PABIR3: variants seen among roughly 807,000 people sequenced by gnomAD.
PABIR3 encodes the protein PABIR family member 3, also known as PABIR family member 1.
Under a neutral mutation model 23.1 loss-of-function variants are expected in PABIR3, and 20 were observed. The ratio of observed to expected loss-of-function variants is 0.86; its 90% CI spans 0.61 to 1.26. The LOEUF (loss-of-function observed/expected upper bound fraction) is 1.26. Ranked by LOEUF, PABIR3 falls within the 50% of genes most tolerant of loss-of-function variation. The pLI is 0.00. For missense variants in PABIR3, 189 were observed against 195.4 expected (o/e 0.97, Z 0.20); for synonymous variants, 69 against 68.5 (o/e 1.01, Z -0.04).
intron 3 of PABIR3, among the ~76,000 whole-genome samples, chrX:134,816,052 C>G (rs1255075090): frequency 8.9e-6 from 1 of 112,114 alleles, no homozygotes; most frequent in African/African-American, 3.2e-5. Context: ...TTGGGATGAT[C>G]ATGTGTTTCC....
chrX:134,796,437 A>G (rs1457995791), upstream of PABIR3: 1 of 372,048 alleles, frequency 2.7e-6, no homozygotes. Flanking sequence ...GCAGGAGAGG[A>G]GGACGAAGAG....
intron 3 of PABIR3, among the ~76,000 whole-genome samples, chrX:134,824,693 G>A (rs998660929): frequency 1.8e-5 from 2 of 111,422 alleles, no homozygotes; most frequent in South Asian, 3.7e-4. Context: ...CCAGCTACTC[G>A]GGAGGCTGAG....
At chrX:134,855,535 T>A (rs948423932), downstream of PABIR3, among the ~76,000 whole-genome samples, 2 of 111,976 alleles carry the variant, frequency 1.8e-5, no homozygotes, top group African/African-American at 6.5e-5. Flanking sequence ...AAGCTGAGAA[T>A]GGTTTAAATT....
chrX:134,858,087 T>C (rs2082758120), downstream of PABIR3, among the ~76,000 whole-genome samples: 1 of 111,721 alleles, frequency 9.0e-6, no homozygotes, highest in Non-Finnish European at 1.9e-5. Context: ...ATAAAGATAA[T>C]ACTGAGATCA....
At chrX:134,806,617 CA>C (rs112975762), upstream of PABIR3, among the ~76,000 whole-genome samples, 7,436 of 68,401 alleles carry the variant, frequency 0.11, 784 homozygotes, top group African/African-American at 0.33. Flanking sequence ...AATTCCATCT[CA>C]AAAAAAAAAA....
In PABIR3 at chrX:134,854,161, G is replaced by T. The variant is rs747306525; in HGVS notation, c.757G>T (p.Gly253Cys). Reference sequence around the variant, plus strand: ...TTCTGGTAATTCGTCAGCTGAAATCGGCACTGTCACAAACTCTCCTGTGTC... The same window carrying T: ...TTCTGGTAATTCGTCAGCTGAAATCTGCACTGTCACAAACTCTCCTGTGTC... The part of the protein sequence containing the change: ...GSSGNSSAEI[G>C]TVTNSPVSPS... The change falls in exon 11 of 11, where the codon GGC (glycine) becomes TGC (cysteine). Residue 253 changes from glycine to cysteine, a missense_variant. Coordinates refer to ENST00000645433, the MANE Select transcript of PABIR3 (RefSeq NM_001388447.1). 1.7e-6 allele frequency: 2 copies of T among 1,210,146 alleles called. No homozygotes were observed. The highest frequency in any genetic ancestry group is 4.6e-4 in the Middle Eastern group (2 of 4,353).
At chrX:134,821,265 AAAC>A in intron 3 of PABIR3, 9 of 982,414 alleles carry the variant, frequency 9.2e-6, no homozygotes, top group Non-Finnish European at 1.2e-5. Context: ...AAAAAAAAAA[AAAC>A]TGTTCCCTCA....
At chrX:134,852,761 T>C in intron 9 of PABIR3, 39 bp from the exon 10 acceptor site, 2 of 811,618 alleles carry the variant, frequency 2.5e-6, no homozygotes, top group South Asian at 7.2e-5. Flanking sequence ...ATAAACATGT[T>C]AAATAAAACA....
chrX:134,834,585 A>G (rs1206000461), intron 4 of PABIR3, among the ~76,000 whole-genome samples: 8 of 112,275 alleles, frequency 7.1e-5, no homozygotes, highest in Non-Finnish European at 1.3e-4. Context: ...GTCTTTGCCC[A>G]TGCCTATGTC....
chrX:134,822,701 TTATAAGTCGGAGC>T lies in PABIR3; in HGVS notation c.190-6522_190-6510del, dbSNP rs2081341873. 3 of 693,216 alleles carry T rather than the reference TTATAAGTCGGAGC, an allele frequency of 4.3e-6. No homozygotes were observed. The African/African-American group carries it at 7.1e-5, about 17-fold the overall frequency. The allele number at this position is 693,216 out of a possible 1,213,427, so 57.1% of individuals were successfully genotyped here. Reference sequence around the variant, plus strand: ...AATTTGCCATACCATGTTTTCTCACTTATAAGTCGGAGCTAAATGATAAGAACTTATGAACACA... The same window carrying T: ...AATTTGCCATACCATGTTTTCTCACTTAAATGATAAGAACTTATGAACACA... On this transcript the variant is annotated intron_variant, in intron 3 of 10. Coordinates refer to ENST00000645433, the MANE Select transcript of PABIR3 (RefSeq NM_001388447.1).
chrX:134,851,104 A>G (rs1175524654), intron 9 of PABIR3, among the ~76,000 whole-genome samples: 1 of 111,445 alleles, frequency 9.0e-6, no homozygotes, highest in Non-Finnish European at 1.9e-5. Context: ...CATAAAAATA[A>G]AAGAGAGGTC....
chrX:134,849,057 TAC>T (rs1489587576), intron 8 of PABIR3, 108 bp from the exon 9 acceptor site: 9 of 281,956 alleles, frequency 3.2e-5, no homozygotes, highest in African/African-American at 2.5e-4. Context: ...TGTAATATCC[TAC>T]ACAGAGTCCC....
upstream of PABIR3, among the ~76,000 whole-genome samples, chrX:134,806,344 G>A (rs2080230130): frequency 8.9e-6 from 1 of 111,891 alleles, no homozygotes; most frequent in African/African-American, 3.2e-5. Flanking sequence ...AGGCAGGCGC[G>A]GTGGCTCACG....
At chrX:134,810,969 AG>A (rs1469637209) in intron 2 of PABIR3, 2 of 752,577 alleles carry the variant, frequency 2.7e-6, no homozygotes, top group Non-Finnish European at 3.1e-6. Context: ...GAAAATATTT[AG>A]CTTGCTAAAC....
At chrX:134,804,096 T>A (rs1055646022), upstream of PABIR3, 55 of 563,552 alleles carry the variant, frequency 9.8e-5, no homozygotes, top group Non-Finnish European at 1.4e-4. Flanking sequence ...GGTTCCCTTT[T>A]ATAGGTGAGG....
At chrX:134,861,155 G>A in the PABIR3 span, among the ~76,000 whole-genome samples, 1 of 110,438 alleles carries the variant, frequency 9.1e-6, no homozygotes, top group Admixed American at 9.7e-5. Context: ...GGTGCCTGTA[G>A]TCCCAGCTAC....
chrX:134,854,561 A>C lies in PABIR3; in HGVS notation c.*344A>C, dbSNP rs1466757768. 7.1e-6 allele frequency: 1 copy of C among 141,105 alleles called. No homozygotes were observed. Among genetic ancestry groups the C allele is most frequent in the Non-Finnish European group, 1.4e-5 (1 of 72,970 alleles). The allele number at this position is 141,105 out of a possible 1,213,427, so 11.6% of individuals were successfully genotyped here. The stretch of plus-strand genomic sequence containing the variant: ...TAATCTTATGAAACATAATTCTGAT[A>C]AAATATAATTGTTCAATTAACAAAG... On this transcript the variant is annotated 3_prime_UTR_variant, in exon 11 of 11. Coordinates refer to ENST00000645433, the MANE Select transcript of PABIR3 (RefSeq NM_001388447.1).
Position 134,847,457 on chromosome X carries a change from C to T in PABIR3, c.420C>T (p.Ser140=), listed in dbSNP as rs1249840495. The T allele has an allele frequency of 8.3e-7, 1 of 1,198,335 alleles. No homozygotes were observed. The highest frequency in any genetic ancestry group is 1.1e-6 in the Non-Finnish European group (1 of 884,002). Residue 140 remains serine, a synonymous_variant, in exon 7 of 11, where the codon TCC becomes TCT. Coordinates refer to ENST00000645433, the MANE Select transcript of PABIR3 (RefSeq NM_001388447.1). ...CTCCAGTATCCTCAATGGCTTCTTCCATCAAGAAGACTGGGAAGGTAAGAA... is the reference window on the plus strand; with the variant it reads ...CTCCAGTATCCTCAATGGCTTCTTCTATCAAGAAGACTGGGAAGGTAAGAA... ...DLTPVSSMAS[S]IKKTGKQCFS... is the part of the protein sequence containing the mutation.
At chrX:134,797,472 A>T (rs1237204367) in intron 1 of PABIR3, among the ~76,000 whole-genome samples, 1 of 112,213 alleles carries the variant, frequency 8.9e-6, no homozygotes, top group African/African-American at 3.2e-5. Context: ...TTTCACTCCT[A>T]ATTTGTACGC....
Sources: allele counts gnomAD v4.1 joint callset (sites outside exome capture counted in the v4.1 genomes callset), GRCh38; gene constraint gnomAD v4.1.1; transcripts MANE v1.5; gene names NCBI Gene and HGNC (gene_info 2026-07-23, HGNC 2026-07-21).